The following AP3S1 variants were observed in gnomAD, a reference collection of about 807,000 sequenced individuals.
AP3S1 encodes the protein AP-3 complex subunit sigma-1.
AP3S1 carries 12 observed loss-of-function variants against 21.3 expected under a neutral mutation model. That is an observed-to-expected ratio of 0.56 (90% CI 0.36 to 0.91). The LOEUF (loss-of-function observed/expected upper bound fraction) is 0.91, where lower values mean the gene tolerates loss of function less well. AP3S1 is among the 40% of genes least tolerant of loss of function. The pLI is 0.01. For missense variants in AP3S1, 116 were observed against 225.0 expected, an observed-to-expected ratio of 0.52 and a Z score of 3.10; for synonymous variants, 48 against 78.4, an observed-to-expected ratio of 0.61 and a Z score of 2.05.
intron 1 of AP3S1, among the ~76,000 whole-genome samples, chr5:115,845,730 C>T (rs550050864): frequency 5.3e-5 from 8 of 150,080 alleles, no homozygotes; most frequent in Non-Finnish European, 7.4e-5. Context: ...GCTACTCGCT[C>T]GAGGCTGAGA....
In AP3S1 at chr5:115,841,971, G is replaced by GGC; in HGVS notation, c.-67_-66insGC. ...GGGGAAGGATCGCAGGCGAGATTAC[G>GGC]AGGCGAGGCTCGCGCGCCCGCCCCC... On this transcript the variant is annotated 5_prime_UTR_variant, in exon 1 of 6. Transcript: ENST00000316788. The GGC allele has an allele frequency of 1.4e-6, 2 of 1,394,384 alleles. No individual in the cohort carries two copies. The highest frequency in any genetic ancestry group is 9.4e-7 in the Non-Finnish European group (1 of 1,064,910). The allele number at this position is 1,394,384 out of a possible 1,614,324, so 86.4% of individuals were successfully genotyped here.
intron 4 of AP3S1, 21 bp downstream of exon 4, chr5:115,895,179 T>A: frequency 2.0e-6 from 3 of 1,520,284 alleles, no homozygotes; most frequent in Non-Finnish European, 2.7e-6. Flanking sequence ...TATTGTCACA[T>A]CTAAGCTTTT....
At chr5:115,897,083 A>C (rs1460383833) in intron 4 of AP3S1, among the ~76,000 whole-genome samples, 8 of 152,232 alleles carry the variant, frequency 5.3e-5, no homozygotes, top group Admixed American at 5.2e-4. Flanking sequence ...GAAAAATCAG[A>C]AAATACAGAG....
chr5:115,884,068 T>G (rs930694997), intron 3 of AP3S1, among the ~76,000 whole-genome samples: 2 of 152,212 alleles, frequency 1.3e-5, no homozygotes, highest in African/African-American at 4.8e-5. Context: ...TAATTCATGT[T>G]TATAGAAACC....
At chr5:115,861,319 G>T (rs1198942427) in intron 1 of AP3S1, among the ~76,000 whole-genome samples, 1 of 152,150 alleles carries the variant, frequency 6.6e-6, no homozygotes, top group Non-Finnish European at 1.5e-5. Context: ...GGCTGGAGCA[G>T]ATCATAAAGG....
chr5:115,899,651 A>G (rs1476621235), intron 4 of AP3S1, among the ~76,000 whole-genome samples: 1 of 152,186 alleles, frequency 6.6e-6, no homozygotes, highest in Non-Finnish European at 1.5e-5. Context: ...TGGGCTTGAA[A>G]AGAGTTTTTC....
At chr5:115,852,208 C>T (rs1324487082) in intron 1 of AP3S1, among the ~76,000 whole-genome samples, 1 of 151,516 alleles carries the variant, frequency 6.6e-6, no homozygotes, top group Non-Finnish European at 1.5e-5. Context: ...TTCCAAAAAC[C>T]CCAGTGTTTA....
intron 1 of AP3S1, among the ~76,000 whole-genome samples, chr5:115,863,723 T>A (rs1763379999): frequency 6.6e-6 from 1 of 152,170 alleles, no homozygotes; most frequent in African/African-American, 2.4e-5. Context: ...GAAAGGCATA[T>A]CTATAGAATA....
At chr5:115,869,492 T>A (rs529690650) in intron 2 of AP3S1, among the ~76,000 whole-genome samples, 133 of 152,312 alleles carry the variant, frequency 8.7e-4, no homozygotes, top group Middle Eastern at 3.4e-3. Flanking sequence ...TTTTTTCTCT[T>A]CCCTGAACAT....
intron 3 of AP3S1, among the ~76,000 whole-genome samples, chr5:115,878,258 G>A (rs1748909929): frequency 1.3e-5 from 2 of 152,254 alleles, no homozygotes; most frequent in Non-Finnish European, 2.9e-5. Context: ...TGGTGTTTTA[G>A]TCATGTAGTC....
chr5:115,907,076 T>A (rs1751713257), intron 5 of AP3S1: 1 of 872,472 alleles, frequency 1.1e-6, no homozygotes, highest in African/African-American at 1.8e-5. Context: ...GTCATGTTTG[T>A]TCTGTTTTGT....
intron 5 of AP3S1, chr5:115,906,989 A>G (rs1057069080): frequency 1.1e-5 from 14 of 1,249,206 alleles, no homozygotes; most frequent in Admixed American, 4.0e-5. Context: ...CCTGTAGCCT[A>G]TTTTCCATTC....
intron 1 of AP3S1, among the ~76,000 whole-genome samples, chr5:115,848,731 C>T (rs1006790057): frequency 6.6e-6 from 1 of 152,160 alleles, no homozygotes; most frequent in Non-Finnish European, 1.5e-5. Flanking sequence ...CTAGAGGGCC[C>T]AGTCCCCTTC....
chr5:115,843,749 C>A (rs1398982905), intron 1 of AP3S1, among the ~76,000 whole-genome samples: 1 of 152,162 alleles, frequency 6.6e-6, no homozygotes, highest in Non-Finnish European at 1.5e-5. Context: ...TCCATGTAAT[C>A]GGTGTATACT....
At chr5:115,903,722 A>G (rs1028786700) in intron 5 of AP3S1, 3 of 152,186 alleles carry the variant, frequency 2.0e-5, no homozygotes, top group Non-Finnish European at 2.9e-5. Flanking sequence ...TCAGAATTGT[A>G]GTGACTCTTC....
chr5:115,879,301 T>G (rs1749057402), intron 3 of AP3S1, among the ~76,000 whole-genome samples: 1 of 152,254 alleles, frequency 6.6e-6, no homozygotes, highest in Admixed American at 6.5e-5. Context: ...TGCTTCCAGC[T>G]TTTGCCCATT....
chr5:115,852,692 T>C, intron 1 of AP3S1, among the ~76,000 whole-genome samples: 1 of 152,176 alleles, frequency 6.6e-6, no homozygotes, highest in East Asian at 1.9e-4. Flanking sequence ...ATTCTGAACA[T>C]TCTATATAAA....
At chr5:115,888,315 A>C (rs1749974294) in intron 3 of AP3S1, among the ~76,000 whole-genome samples, 2 of 152,250 alleles carry the variant, frequency 1.3e-5, no homozygotes, top group Non-Finnish European at 2.9e-5. Context: ...TGTTATGGTT[A>C]GAACCATCGA....
chr5:115,909,521 T>G (rs1352409914), intron 5 of AP3S1, among the ~76,000 whole-genome samples: 1 of 152,340 alleles, frequency 6.6e-6, no homozygotes, highest in East Asian at 1.9e-4. Flanking sequence ...TATACTGTAC[T>G]TCATTCTTTC....
Sources: gnomAD v4.1 joint callset for allele counts (sites outside exome capture counted in the v4.1 genomes callset) on GRCh38, gnomAD v4.1.1 for gene constraint, MANE v1.5 for transcripts, NCBI Gene and HGNC (gene_info 2026-07-23, HGNC 2026-07-21) for gene names.